The following CYTIP variants were observed in gnomAD, a reference collection of about 807,000 sequenced individuals.
CYTIP encodes the protein cytohesin 1 interacting protein, also known as cytohesin-interacting protein.
In CYTIP, 26 loss-of-function variants were observed where a neutral mutation model predicts 43.8. The ratio of observed to expected loss-of-function variants is 0.59; its 90% CI spans 0.44 to 0.82. CYTIP has a LOEUF of 0.82. CYTIP is among the 40% of genes least tolerant of loss of function. The probability of loss-of-function intolerance (pLI) is 0.00; values close to 1 mark genes in which losing one functional copy is unlikely to be tolerated. For synonymous variants in CYTIP, 162 were observed against 162.9 expected, an observed-to-expected ratio of 0.99 and a Z score of 0.04; for missense variants, 426 against 443.1, an observed-to-expected ratio of 0.96 and a Z score of 0.35.
At chr2:157,427,527 A>G in intron 5 of CYTIP, 107 bp from the exon 6 acceptor site, 1 of 721,366 alleles carries the variant, frequency 1.4e-6, no homozygotes, top group Non-Finnish European at 2.1e-6. Flanking sequence ...AGCACATACT[A>G]TACTAAAAAC....
intron 5 of CYTIP, 54 bp downstream of exon 5, chr2:157,430,505 T>A (rs2105140546): frequency 6.8e-7 from 1 of 1,479,110 alleles, no homozygotes; most frequent in Non-Finnish European, 9.5e-7. Flanking sequence ...CTCATCAGGC[T>A]TTATGAGAAA....
In CYTIP at chr2:157,427,410, G is replaced by C. The variant is rs1292276935; in HGVS notation, c.487C>G (p.Leu163Val). The C allele has an allele frequency of 3.7e-6, 6 of 1,606,592 alleles. No individual in the cohort carries two copies. In the Admixed American group the frequency reaches 8.4e-5, roughly 23 times the overall value. The change falls in exon 6 of 8, where the codon CTT becomes GTT. Residue 163 changes from leucine to valine, a missense_variant. Physicochemically the swap from Leu to Val is conservative, Grantham distance 32. Transcript: ENST00000264192. ...SSGNLLTIET[L>V]NGTMILKRTE... ...CTTTTCAGAATCATTGTTCCATTAA[G>C]AGTCTCTATCCTGTTTTAAGGAAAA...
rs750530188 is a variant in CYTIP, at chr2:157,416,012, A to G, written c.745T>C (p.Trp249Arg). The G allele has an allele frequency of 5.0e-6, 8 of 1,614,226 alleles. No individual in the cohort carries two copies. The Admixed American group carries it at 1.3e-4, about 27-fold the overall frequency. Residue 249 changes from tryptophan (W) to arginine (R), a missense_variant, in exon 8 of 8, where the codon TGG becomes CGG. Trp to Arg is a moderately radical substitution (Grantham distance 101). Coordinates refer to ENST00000264192, the MANE Select transcript of CYTIP (RefSeq NM_004288.5). The part of the protein sequence containing the change: ...RLSSESSCKS[W>R]LSSMTMDSED... ...CTGTCCATCGTCATGGAGCTCAGCC[A>G]GCTCTTACAGCTGCTCTCACTGGAT...
chr2:157,428,598 T>A (rs946239604), intron 5 of CYTIP, among the ~76,000 whole-genome samples: 3 of 152,222 alleles, frequency 2.0e-5, no homozygotes, highest in Non-Finnish European at 4.4e-5. Flanking sequence ...TTTCCCGGAT[T>A]TCCAACAGTT....
intron 7 of CYTIP, among the ~76,000 whole-genome samples, chr2:157,416,980 T>TGAGAGAGA (rs377170102): frequency 2.0e-5 from 3 of 147,176 alleles, no homozygotes; most frequent in African/African-American, 7.5e-5. Context: ...TGTGTGTGTG[T>TGAGAGAGA]GAGAGAGAGA....
intron 6 of CYTIP, among the ~76,000 whole-genome samples, chr2:157,419,552 T>A (rs1261519166): frequency 1.3e-5 from 2 of 152,164 alleles, no homozygotes; most frequent in East Asian, 3.9e-4. Flanking sequence ...GCAGAAGGCA[T>A]CTGAAAAGAC....
At chr2:157,420,677 A>G (rs1685509101) in intron 6 of CYTIP, among the ~76,000 whole-genome samples, 1 of 119,302 alleles carries the variant, frequency 8.4e-6, no homozygotes, top group African/African-American at 3.0e-5. Flanking sequence ...AAAAAAAAAA[A>G]GGACTGCTAT....
At chr2:157,426,160 AGAAT>A (rs1313945157) in intron 6 of CYTIP, among the ~76,000 whole-genome samples, 1 of 152,154 alleles carries the variant, frequency 6.6e-6, no homozygotes, top group Non-Finnish European at 1.5e-5. Flanking sequence ...GAAGTAAACA[AGAAT>A]GAATATAATA....
At chr2:157,435,116 C>A (rs752182098) in intron 1 of CYTIP, among the ~76,000 whole-genome samples, 1 of 152,112 alleles carries the variant, frequency 6.6e-6, no homozygotes, top group Non-Finnish European at 1.5e-5. Flanking sequence ...CCAAAGAGAA[C>A]TTCCTCTCTG....
Position 157,444,074 on chromosome 2 carries a change from GGGAA to G in CYTIP, c.-58_-55del. On this transcript the variant is annotated 5_prime_UTR_variant, in exon 1 of 8. Coordinates refer to ENST00000264192, the MANE Select transcript of CYTIP (RefSeq NM_004288.5). Reference sequence around the variant, plus strand: ...ATGGTTGAGTGGCCTTGCAGGATGGGGGAAGCTAAAAGTACAACTGTGACAAGTA... The same window carrying G: ...ATGGTTGAGTGGCCTTGCAGGATGGGGCTAAAAGTACAACTGTGACAAGTA... 1.0e-5 allele frequency: 16 copies of G among 1,564,078 alleles called. No homozygotes were observed. Among genetic ancestry groups the G allele is most frequent in the Non-Finnish European group, 1.4e-5 (16 of 1,144,210 alleles).
intron 1 of CYTIP, among the ~76,000 whole-genome samples, chr2:157,435,049 A>G (rs1312934602): frequency 6.6e-6 from 1 of 152,108 alleles, no homozygotes; most frequent in Non-Finnish European, 1.5e-5. Context: ...AAAGAGGTTT[A>G]GATAGTAATA....
At chr2:157,439,928 T>C (rs796384895) in intron 1 of CYTIP, among the ~76,000 whole-genome samples, 22 of 152,338 alleles carry the variant, frequency 1.4e-4, no homozygotes, top group African/African-American at 5.3e-4. Context: ...ATACTTCAGC[T>C]GTCAATTTCT....
intron 6 of CYTIP, among the ~76,000 whole-genome samples, chr2:157,421,040 C>G (rs1202264133): frequency 1.3e-5 from 2 of 152,186 alleles, no homozygotes; most frequent in Non-Finnish European, 2.9e-5. Flanking sequence ...TATGTCGTCA[C>G]TTAAACCAAG....
intron 1 of CYTIP, chr2:157,438,852 T>C (rs1685857505): frequency 4.3e-6 from 1 of 229,978 alleles, no homozygotes; most frequent in Non-Finnish European, 1.0e-5. Flanking sequence ...AAATTATTAG[T>C]AAAATTTTGA....
intron 2 of CYTIP, 89 bp downstream of exon 2, chr2:157,434,609 G>GAA (rs1685777472): frequency 2.0e-6 from 2 of 993,184 alleles, no homozygotes; most frequent in South Asian, 1.4e-5. Flanking sequence ...GAGAGAGAGA[G>GAA]AGAGAGAGGA....
chr2:157,430,466 T>C (rs1685694337), intron 5 of CYTIP, 93 bp downstream of exon 5: 3 of 1,080,830 alleles, frequency 2.8e-6, no homozygotes, highest in Admixed American at 1.8e-5. Flanking sequence ...CTCCGTCTTG[T>C]AATGCTGAAC....
intron 7 of CYTIP, among the ~76,000 whole-genome samples, chr2:157,417,300 C>G (rs1313182083): frequency 6.6e-6 from 1 of 152,092 alleles, no homozygotes; most frequent in Non-Finnish European, 1.5e-5. Context: ...AGAGCAATTG[C>G]CTTATAGAAT....
At chr2:157,427,328 C>T in intron 6 of CYTIP, 23 bp downstream of exon 6, 1 of 1,585,154 alleles carries the variant, frequency 6.3e-7, no homozygotes, top group African/African-American at 1.4e-5. Flanking sequence ...AAAAATGTGC[C>T]TCACTGCATT....
At chr2:157,418,323 G>A (rs1023785444) in intron 7 of CYTIP, among the ~76,000 whole-genome samples, 200 bp downstream of exon 7, 1 of 152,126 alleles carries the variant, frequency 6.6e-6, no homozygotes, top group Non-Finnish European at 1.5e-5. Flanking sequence ...GTCATGATAC[G>A]CAGTAGTGGA....
Sources: gnomAD v4.1 joint callset for allele counts (sites outside exome capture counted in the v4.1 genomes callset) on GRCh38, gnomAD v4.1.1 for gene constraint, MANE v1.5 for transcripts, NCBI Gene and HGNC (gene_info 2026-07-23, HGNC 2026-07-21) for gene names.